ARHGAP24: variants seen among roughly 807,000 people sequenced by gnomAD.
ARHGAP24 encodes the protein Rho GTPase activating protein 24, also known as rho GTPase-activating protein 24.
Under a neutral mutation model 76.4 loss-of-function variants are expected in ARHGAP24, and 50 were observed. The observed-to-expected ratio is 0.65, with a 90% CI of 0.52 to 0.83. ARHGAP24 has a LOEUF of 0.83. Ranked by LOEUF, ARHGAP24 falls within the 40% of genes least tolerant of loss-of-function variation. The pLI is 0.00. For synonymous variants in ARHGAP24, 345 were observed against 323.3 expected (o/e 1.07, Z -0.72); for missense variants, 930 against 914.2 (o/e 1.02, Z -0.22).
chr4:85,837,109 G>T (rs1730333665), intron 3 of ARHGAP24, among the ~76,000 whole-genome samples: 1 of 152,232 alleles, frequency 6.6e-6, no homozygotes, highest in Non-Finnish European at 1.5e-5. Context: ...GAAAGTTTTA[G>T]GAGTTAAGTG....
chr4:85,699,684 G>A (rs548902220), intron 2 of ARHGAP24, among the ~76,000 whole-genome samples: 2 of 151,734 alleles, frequency 1.3e-5, no homozygotes, highest in South Asian at 4.2e-4. Flanking sequence ...TCCCCACCCC[G>A]CTATAACTCC....
chr4:85,610,609 T>A (rs1393256148), intron 2 of ARHGAP24, among the ~76,000 whole-genome samples: 1 of 152,068 alleles, frequency 6.6e-6, no homozygotes, highest in African/African-American at 2.4e-5. Flanking sequence ...TCAGAAATTA[T>A]CTCAAGGTGG....
At chr4:85,638,940 T>C (rs1721421268) in intron 2 of ARHGAP24, among the ~76,000 whole-genome samples, 2 of 152,194 alleles carry the variant, frequency 1.3e-5, no homozygotes. Flanking sequence ...GTGCTAACTT[T>C]CAGAATCTTA....
intron 3 of ARHGAP24, among the ~76,000 whole-genome samples, chr4:85,752,431 T>C (rs986827026): frequency 6.6e-6 from 1 of 151,390 alleles, no homozygotes; most frequent in African/African-American, 2.4e-5. Flanking sequence ...TGAGTTATCT[T>C]TGCTGAATGC....
chr4:85,575,429 G>T (rs537386182), intron 2 of ARHGAP24, among the ~76,000 whole-genome samples: 1 of 152,196 alleles, frequency 6.6e-6, no homozygotes, highest in South Asian at 2.1e-4. Flanking sequence ...AAATTTCATT[G>T]TATTTACATG....
At chr4:85,616,566 G>A (rs115030636) in intron 2 of ARHGAP24, among the ~76,000 whole-genome samples, 3,680 of 152,142 alleles carry the variant, frequency 0.024, 142 homozygotes, top group African/African-American at 0.083. Context: ...GTGTGTGTGT[G>A]TATATTTTTA....
Position 85,571,153 on chromosome 4 carries a change from C to T in ARHGAP24, c.180+432C>T, listed in dbSNP as rs78048846. ...TTTCAGTATCAATTCTCAGAGGTTT[C>T]CCTCCATACCTTAACTCACATAAAA... On this transcript the variant is annotated intron_variant, in intron 2 of 9. Transcript: ENST00000395184. Among the ~76,000 whole-genome samples, 458 of 152,290 alleles carry T rather than the reference C, an allele frequency of 3.0e-3. 1 individual carries two copies. Among genetic ancestry groups the T allele is most frequent in the African/African-American group, 0.01 (421 of 41,570 alleles).
At chr4:85,531,837 A>G (rs1479741839) in intron 1 of ARHGAP24, among the ~76,000 whole-genome samples, 1 of 152,082 alleles carries the variant, frequency 6.6e-6, no homozygotes, top group Admixed American at 6.6e-5. Flanking sequence ...TCCAGGCTTC[A>G]TATTTCAAAG....
intron 8 of ARHGAP24, among the ~76,000 whole-genome samples, chr4:85,979,651 A>G (rs1006487687): frequency 6.6e-6 from 1 of 152,180 alleles, no homozygotes; most frequent in Admixed American, 6.5e-5. Flanking sequence ...TAATTTTTAA[A>G]TTAATAATTT....
intron 4 of ARHGAP24, chr4:85,930,863 G>C: frequency 6.2e-7 from 1 of 1,609,294 alleles, no homozygotes; most frequent in African/African-American, 1.3e-5. Flanking sequence ...AGGAGTGGCT[G>C]TTGGGTTTCG....
intron 2 of ARHGAP24, among the ~76,000 whole-genome samples, chr4:85,595,096 A>G (rs1719753911): frequency 6.6e-6 from 1 of 152,044 alleles, no homozygotes; most frequent in Admixed American, 6.6e-5. Flanking sequence ...AAATAATGTA[A>G]CCTATGAATT....
chr4:85,557,922 A>G (rs1241226439), intron 1 of ARHGAP24, among the ~76,000 whole-genome samples: 2 of 152,168 alleles, frequency 1.3e-5, no homozygotes, highest in Non-Finnish European at 2.9e-5. Context: ...TAAGTGAATC[A>G]TTCCCTTTCC....
At chr4:85,522,761 C>T (rs1180148971) in intron 1 of ARHGAP24, among the ~76,000 whole-genome samples, 1 of 152,120 alleles carries the variant, frequency 6.6e-6, no homozygotes, top group Admixed American at 6.5e-5. Flanking sequence ...AAAACTCCTG[C>T]CTGTTTTGCT....
intron 1 of ARHGAP24, among the ~76,000 whole-genome samples, chr4:85,537,948 A>G (rs1190495187): frequency 1.3e-5 from 2 of 152,114 alleles, no homozygotes; most frequent in Non-Finnish European, 2.9e-5. Context: ...AAAGGTACAG[A>G]TATGTATACC....
chr4:85,737,596 C>T (rs1294026513), intron 3 of ARHGAP24, among the ~76,000 whole-genome samples: 2 of 152,270 alleles, frequency 1.3e-5, no homozygotes, highest in Admixed American at 1.3e-4. Flanking sequence ...TCTTGCTGCT[C>T]AAAATAATTG....
chr4:85,618,584 T>C (rs895800954), intron 2 of ARHGAP24, among the ~76,000 whole-genome samples: 1 of 152,166 alleles, frequency 6.6e-6, no homozygotes, highest in African/African-American at 2.4e-5. Context: ...GGCTGTAATT[T>C]ACATTTTCAC....
chr4:85,936,315 A>G (rs1010169547), intron 4 of ARHGAP24, among the ~76,000 whole-genome samples: 27 of 152,138 alleles, frequency 1.8e-4, no homozygotes, highest in Non-Finnish European at 3.7e-4. Flanking sequence ...TGGGGAGGTA[A>G]AGTGTTTTAT....
At chr4:85,806,402 T>C (rs934554325) in intron 3 of ARHGAP24, among the ~76,000 whole-genome samples, 5 of 152,176 alleles carry the variant, frequency 3.3e-5, no homozygotes, top group African/African-American at 1.2e-4. Flanking sequence ...ATATGTATAA[T>C]TGTTGAAAAT....
At chr4:85,843,916 T>C (rs1730734160) in intron 3 of ARHGAP24, among the ~76,000 whole-genome samples, 4 of 152,174 alleles carry the variant, frequency 2.6e-5, no homozygotes, top group Admixed American at 2.0e-4. Context: ...ATGTATAAAA[T>C]TTTATCACTG....
Sources: gnomAD v4.1 joint callset for allele counts (sites outside exome capture counted in the v4.1 genomes callset) on GRCh38, gnomAD v4.1.1 for gene constraint, MANE v1.5 for transcripts, NCBI Gene and HGNC (gene_info 2026-07-23, HGNC 2026-07-21) for gene names.